The following POU2AF1 variants were observed in gnomAD, a reference collection of about 807,000 sequenced individuals.
POU2AF1 encodes the protein POU class 2 homeobox associating factor 1.
In POU2AF1, 12 loss-of-function variants were observed where a neutral mutation model predicts 26.3. That is an observed-to-expected ratio of 0.46 (90% CI 0.29 to 0.74). POU2AF1 has a LOEUF of 0.74. Among genes scored for constraint, POU2AF1 ranks in the 30% least tolerant of loss-of-function variants. The pLI is 0.09. For synonymous variants in POU2AF1, 175 were observed against 148.0 expected (o/e 1.18, Z -1.32); for missense variants, 297 against 334.5 (o/e 0.89, Z 0.87).
intron 1 of POU2AF1, among the ~76,000 whole-genome samples, chr11:111,372,501 G>A (rs1861233248): frequency 6.6e-6 from 1 of 152,330 alleles, no homozygotes; most frequent in East Asian, 1.9e-4. Context: ...GACAGGCACT[G>A]TGGCAGGGAG....
chr11:111,359,581 A>G (rs1377209854), intron 1 of POU2AF1, among the ~76,000 whole-genome samples: 1 of 152,206 alleles, frequency 6.6e-6, no homozygotes, highest in African/African-American at 2.4e-5. Context: ...CTTAATCTTC[A>G]GTTTCTTTAT....
At chr11:111,363,565 C>T in intron 1 of POU2AF1, 8 of 793,380 alleles carry the variant, frequency 1.0e-5, no homozygotes, top group Non-Finnish European at 1.2e-5. Flanking sequence ...ATCACGGTTG[C>T]CTCACCTTGG....
intron 1 of POU2AF1, among the ~76,000 whole-genome samples, chr11:111,377,564 A>C (rs1861333004): frequency 6.6e-6 from 1 of 152,202 alleles, no homozygotes; most frequent in Admixed American, 6.5e-5. Flanking sequence ...TCACTTACTA[A>C]GGATAGATCC....
chr11:111,358,612 TGAC>T (rs1860932204), intron 2 of POU2AF1, among the ~76,000 whole-genome samples, 173 bp downstream of exon 2: 1 of 87,684 alleles, frequency 1.1e-5, no homozygotes, highest in African/African-American at 3.3e-5. Context: ...TCTCACACAC[TGAC>T]GCAGATACAC....
intron 1 of POU2AF1, among the ~76,000 whole-genome samples, chr11:111,362,790 C>G (rs912325001): frequency 2.0e-5 from 3 of 152,108 alleles, no homozygotes; most frequent in Admixed American, 6.5e-5. Flanking sequence ...CTGTGGTCAC[C>G]CTCTTAATTC....
chr11:111,363,051 G>C (rs1861041197), intron 1 of POU2AF1: 10 of 821,192 alleles, frequency 1.2e-5, no homozygotes, highest in Non-Finnish European at 1.5e-5. Context: ...GATGAACAAA[G>C]AGCGCTTGGT....
intron 1 of POU2AF1, among the ~76,000 whole-genome samples, chr11:111,360,303 C>T (rs1053647866): frequency 1.3e-5 from 2 of 152,120 alleles, no homozygotes; most frequent in African/African-American, 2.4e-5. Flanking sequence ...ATCAAAGTCC[C>T]GGAAGCCTAG....
intron 1 of POU2AF1, among the ~76,000 whole-genome samples, chr11:111,367,566 G>A (rs973788392): frequency 2.0e-5 from 3 of 152,104 alleles, no homozygotes; most frequent in Non-Finnish European, 4.4e-5. Flanking sequence ...CTCACTGCCT[G>A]CCTTGTCTCT....
Position 111,379,250 on chromosome 11 carries a change from G to A in POU2AF1, c.-73C>T. ...CTTCTTTAATGTGAGACCGGGGTGTGTTTTCCTCCAGTGGAGCCACCGCTT... is the reference window on the plus strand; with the variant it reads ...CTTCTTTAATGTGAGACCGGGGTGTATTTTCCTCCAGTGGAGCCACCGCTT... On this transcript the variant is annotated 5_prime_UTR_variant, in exon 1 of 5. Coordinates refer to ENST00000393067, the MANE Select transcript of POU2AF1 (RefSeq NM_006235.3). 6.3e-7 allele frequency: 1 copy of A among 1,594,914 alleles called. No individual in the cohort carries two copies. The highest frequency in any genetic ancestry group is 8.6e-7 in the Non-Finnish European group (1 of 1,162,588).
intron 1 of POU2AF1, among the ~76,000 whole-genome samples, chr11:111,376,874 G>T (rs1459854635): frequency 6.6e-6 from 1 of 152,236 alleles, no homozygotes; most frequent in Non-Finnish European, 1.5e-5. Context: ...GGCTAAGGGG[G>T]TGGGTCCAGA....
intron 4 of POU2AF1, 104 bp downstream of exon 4, chr11:111,357,341 C>A: frequency 6.6e-7 from 1 of 1,513,362 alleles, no homozygotes; most frequent in South Asian, 1.2e-5. Context: ...ACCTGATTAT[C>A]TTGAGAATCA....
Position 111,354,448 on chromosome 11 carries a change from G to A in POU2AF1, c.584C>T (p.Pro195Leu), listed in dbSNP as rs1170312995. ...TLPTSTLQYQPPAPALPGPQF... is the reference protein window; with the variant it reads ...TLPTSTLQYQLPAPALPGPQF... ...GGGCCCAGGTAGGGCTGGGGCCGGA[G>A]GCTGGTACTGCAGGGTGGAGGTGGG... The change falls in exon 5 of 5, where the codon CCT (proline) becomes CTT (leucine). Residue 195 changes from proline (P) to leucine (L), a missense_variant. Coordinates refer to ENST00000393067, the MANE Select transcript of POU2AF1 (RefSeq NM_006235.3). 6.2e-7 allele frequency: 1 copy of A among 1,613,890 alleles called. No individual in the cohort carries two copies. The highest frequency in any genetic ancestry group is 1.3e-5 in the African/African-American group (1 of 74,936).
Position 111,358,661 on chromosome 11 carries a change from ATC to A in POU2AF1, c.147+125_147+126del, listed in dbSNP as rs1049215917. 6.8e-6 allele frequency: 8 copies of A among 1,170,622 alleles called. No homozygotes were observed. The African/African-American group carries it at 1.1e-4, about 16-fold the overall frequency. 72.5% of individuals were successfully genotyped at this position (1,170,622 alleles called of 1,614,324 possible). A position where few individuals can be genotyped will look rare whatever the true frequency, so the allele number is the denominator to read the frequency against. On this transcript the variant is annotated intron_variant, in intron 2 of 4. Transcript: ENST00000393067. ...ACACTATCACACTCTCACACACTCT[ATC>A]ACACACAAACACATACACACACGCA...
chr11:111,373,728 A>C (rs995981013), intron 1 of POU2AF1, among the ~76,000 whole-genome samples: 7 of 131,218 alleles, frequency 5.3e-5, no homozygotes, highest in African/African-American at 2.1e-4. Context: ...TAGAATGGAA[A>C]GTAAAACCCC....
intron 1 of POU2AF1, among the ~76,000 whole-genome samples, chr11:111,378,871 A>G: frequency 6.6e-6 from 1 of 152,244 alleles, no homozygotes; most frequent in East Asian, 1.9e-4. Flanking sequence ...CCCTTTCTTC[A>G]CCACAGTGAT....
intron 1 of POU2AF1, among the ~76,000 whole-genome samples, chr11:111,373,055 A>G (rs989182226): frequency 2.0e-5 from 3 of 152,250 alleles, no homozygotes; most frequent in Non-Finnish European, 4.4e-5. Flanking sequence ...GTGAGACTCC[A>G]TAAGATCCTG....
chr11:111,358,657 C>G, intron 2 of POU2AF1, 131 bp downstream of exon 2: 1 of 1,140,946 alleles, frequency 8.8e-7, no homozygotes, highest in Non-Finnish European at 1.3e-6. Context: ...CTCTCACACA[C>G]TCTATCACAC....
chr11:111,359,200 T>C (rs981972693), intron 1 of POU2AF1: 6 of 509,006 alleles, frequency 1.2e-5, no homozygotes, highest in African/African-American at 1.9e-5. Context: ...CTTTGCACAC[T>C]CCCTACTACA....
At position 111,354,408 on chromosome 11, in the gene POU2AF1, G is replaced by A. The variant is rs370412298; in HGVS notation, c.624C>T (p.Leu208=). 5.6e-6 allele frequency: 9 copies of A among 1,614,218 alleles called. No individual in the cohort carries two copies. Residue 208 remains leucine (L), a synonymous_variant, in exon 5 of 5, where the codon CTC becomes CTT. Coordinates refer to ENST00000393067, the MANE Select transcript of POU2AF1 (RefSeq NM_006235.3). ...PALPGPQFVQ[L]PISIPEPVLQ... is the part of the protein sequence containing the mutation. ...GGACTGGCTCTGGGATAGAGATGGG[G>A]AGCTGGACAAACTGGGGCCCAGGTA...
Sources: allele counts gnomAD v4.1 joint callset (sites outside exome capture counted in the v4.1 genomes callset), GRCh38; gene constraint gnomAD v4.1.1; transcripts MANE v1.5; gene names NCBI Gene and HGNC (gene_info 2026-07-23, HGNC 2026-07-21).